IMMP2L: variants seen among roughly 807,000 people sequenced by gnomAD.
IMMP2L encodes the protein mitochondrial inner membrane protease subunit 2.
Under a neutral mutation model 19.3 loss-of-function variants are expected in IMMP2L, and 18 were observed. The ratio of observed to expected loss-of-function variants is 0.93; its 90% confidence interval spans 0.64 to 1.38. The LOEUF (loss-of-function observed/expected upper bound fraction) is 1.38, where lower values mean the gene tolerates loss of function less well. IMMP2L is among the 40% of genes most tolerant of loss of function. The pLI is 0.00. For synonymous variants in IMMP2L, 76 were observed against 73.0 expected (o/e 1.04, Z -0.21); for missense variants, 233 against 218.2 (o/e 1.07, Z -0.43).
At position 111,102,013 on chromosome 7, in the gene IMMP2L, A is replaced by T. The variant is rs563498648; in HGVS notation, c.240-138448T>A. 6.6e-5 allele frequency among the ~76,000 whole-genome samples: 10 copies of T among 151,446 alleles called. No individual in the cohort carries two copies. In the East Asian group the frequency reaches 2.0e-3, roughly 30 times the overall value. Reference sequence around the variant, plus strand: ...TATATCTCACTCCATATGGAACTCAAATGAGGGCCATGCAGAAACTGCCGC... The same window carrying T: ...TATATCTCACTCCATATGGAACTCATATGAGGGCCATGCAGAAACTGCCGC... On this transcript the variant is annotated intron_variant, in intron 3 of 5. Coordinates refer to ENST00000405709, the MANE Select transcript of IMMP2L (RefSeq NM_032549.4).
chr7:111,057,150 C>A (rs1039265682), intron 3 of IMMP2L, among the ~76,000 whole-genome samples: 1 of 152,142 alleles, frequency 6.6e-6, no homozygotes, highest in Non-Finnish European at 1.5e-5. Context: ...TTAAGATGCT[C>A]TCACGAATCA....
At chr7:111,069,342 T>G (rs774433665) in intron 3 of IMMP2L, among the ~76,000 whole-genome samples, 31 of 152,150 alleles carry the variant, frequency 2.0e-4, no homozygotes, top group Admixed American at 6.5e-4. Flanking sequence ...GATTGTTAGC[T>G]GCCCTTTGAA....
intron 3 of IMMP2L, among the ~76,000 whole-genome samples, chr7:111,478,892 A>G (rs1005629436): frequency 4.6e-5 from 7 of 152,226 alleles, no homozygotes; most frequent in Non-Finnish European, 1.0e-4. Context: ...AAAATTATAG[A>G]AACTCTGCAT....
intron 3 of IMMP2L, among the ~76,000 whole-genome samples, chr7:111,453,727 T>G (rs1839429458): frequency 6.6e-6 from 1 of 152,158 alleles, no homozygotes; most frequent in South Asian, 2.1e-4. Context: ...CTCACCAATG[T>G]CTTGATCCAA....
At chr7:111,276,907 A>G (rs1819135799) in intron 3 of IMMP2L, among the ~76,000 whole-genome samples, 2 of 152,094 alleles carry the variant, frequency 1.3e-5, no homozygotes, top group Admixed American at 6.6e-5. Context: ...GAAAAAATGA[A>G]TAGCCACATG....
At chr7:111,194,934 C>T (rs1322562195) in intron 3 of IMMP2L, among the ~76,000 whole-genome samples, 1 of 151,946 alleles carries the variant, frequency 6.6e-6, no homozygotes, top group Non-Finnish European at 1.5e-5. Context: ...TATTACAAAA[C>T]AATTTTACTT....
intron 5 of IMMP2L, among the ~76,000 whole-genome samples, chr7:110,702,019 T>C (rs1487377970): frequency 6.6e-6 from 1 of 152,080 alleles, no homozygotes; most frequent in East Asian, 1.9e-4. Flanking sequence ...AGCCTCGACC[T>C]CCCAGGCTCA....
intron 3 of IMMP2L, among the ~76,000 whole-genome samples, chr7:111,120,345 C>T (rs1467139403): frequency 6.6e-6 from 1 of 152,200 alleles, no homozygotes; most frequent in Admixed American, 6.5e-5. Flanking sequence ...GCACATCTTA[C>T]ATTTAGGCAG....
intron 1 of IMMP2L, among the ~76,000 whole-genome samples, chr7:111,548,530 A>G (rs1223912731): frequency 6.6e-6 from 1 of 152,172 alleles, no homozygotes; most frequent in Non-Finnish European, 1.5e-5. Context: ...ATAAATACAA[A>G]AAGTTGATAT....
At chr7:110,695,997 T>C (rs1379296377) in intron 5 of IMMP2L, among the ~76,000 whole-genome samples, 1 of 152,176 alleles carries the variant, frequency 6.6e-6, no homozygotes, top group East Asian at 1.9e-4. Flanking sequence ...AATGTACATG[T>C]CAGGATCATT....
In IMMP2L at chr7:111,074,132, A is replaced by C. The variant is rs527977151; in HGVS notation, c.240-110567T>G. Among the ~76,000 whole-genome samples the C allele has an allele frequency of 5.8e-4, 88 of 152,328 alleles. 1 individual carries two copies. Among genetic ancestry groups the C allele is most frequent in the African/African-American group, 2.0e-3 (83 of 41,576 alleles). On this transcript the variant is annotated intron_variant, in intron 3 of 5. Transcript: ENST00000405709. ...AAAGCTGGAAGGGACACCAGAGACA[A>C]CCAGGTTTATACCCTCATTTTACAA...
intron 3 of IMMP2L, among the ~76,000 whole-genome samples, chr7:111,148,373 G>A (rs1483204814): frequency 6.6e-6 from 1 of 151,968 alleles, no homozygotes; most frequent in African/African-American, 2.4e-5. Flanking sequence ...GAAGGAATAG[G>A]GAATGATTGC....
chr7:111,323,641 G>A (rs894829600), intron 3 of IMMP2L, among the ~76,000 whole-genome samples: 1 of 152,082 alleles, frequency 6.6e-6, no homozygotes, highest in Non-Finnish European at 1.5e-5. Context: ...CCATTACTGG[G>A]TATATACCCA....
chr7:111,496,246 G>T (rs1843580605), intron 2 of IMMP2L, among the ~76,000 whole-genome samples: 1 of 152,090 alleles, frequency 6.6e-6, no homozygotes, highest in African/African-American at 2.4e-5. Flanking sequence ...AGAATTCTCA[G>T]ATTTGTCTCA....
intron 2 of IMMP2L, among the ~76,000 whole-genome samples, chr7:111,505,973 T>C (rs1179579933): frequency 6.6e-6 from 1 of 151,732 alleles, no homozygotes; most frequent in Non-Finnish European, 1.5e-5. Flanking sequence ...AGTATAATAA[T>C]AATAAAATTA....
In IMMP2L at chr7:111,396,991, C is replaced by T. The variant is rs372540925; in HGVS notation, c.239+90247G>A. 2.1e-3 allele frequency among the ~76,000 whole-genome samples: 312 copies of T among 149,530 alleles called. 2 individuals are homozygous for T. The highest frequency in any genetic ancestry group is 7.2e-3 in the African/African-American group (295 of 40,742). The stretch of plus-strand genomic sequence containing the variant: ...TAATCCCAGCTACTCAGGAGGCTGA[C>T]GCAGGAGAATGGTATGAACCAGGGA... On this transcript the variant is annotated intron_variant, in intron 3 of 5. Transcript: ENST00000405709.
At chr7:110,724,734 G>A (rs1795783178) in intron 5 of IMMP2L, 1 of 151,760 alleles carries the variant, frequency 6.6e-6, no homozygotes, top group African/African-American at 2.4e-5. Context: ...ATGGTTCTTA[G>A]CTCCTCAGCT....
intron 3 of IMMP2L, among the ~76,000 whole-genome samples, chr7:111,357,345 T>C (rs562961351): frequency 1.3e-5 from 2 of 152,270 alleles, no homozygotes; most frequent in African/African-American, 4.8e-5. Flanking sequence ...TTTAAATTCA[T>C]TTACAAAACC....
At chr7:110,934,155 G>A (rs1815818389) in intron 4 of IMMP2L, among the ~76,000 whole-genome samples, 1 of 152,140 alleles carries the variant, frequency 6.6e-6, no homozygotes, top group Admixed American at 6.6e-5. Flanking sequence ...GGTTTTGAGG[G>A]GGTTTCTTAA....
Sources: gnomAD v4.1 joint callset for allele counts (sites outside exome capture counted in the v4.1 genomes callset) on GRCh38, gnomAD v4.1.1 for gene constraint, MANE v1.5 for transcripts, NCBI Gene and HGNC (gene_info 2026-07-23, HGNC 2026-07-21) for gene names.